EFNA5: variants seen among roughly 807,000 people sequenced by gnomAD.
EFNA5 encodes the protein ephrin-A5.
EFNA5 carries 5 observed loss-of-function variants against 22.9 expected under a neutral mutation model. The ratio of observed to expected loss-of-function variants is 0.22; its 90% CI spans 0.11 to 0.46. The LOEUF (loss-of-function observed/expected upper bound fraction) is 0.46, where lower values mean the gene tolerates loss of function less well. Among genes scored for constraint, EFNA5 ranks in the 20% least tolerant of loss-of-function variants. The probability of loss-of-function intolerance (pLI) is 0.99; values close to 1 mark genes in which losing one functional copy is unlikely to be tolerated. For missense variants in EFNA5, 237 were observed against 293.3 expected (o/e 0.81, Z 1.40); for synonymous variants, 113 against 112.2 (o/e 1.01, Z -0.04).
intron 1 of EFNA5, among the ~76,000 whole-genome samples, chr5:107,652,195 C>T (rs947978292): frequency 1.3e-5 from 2 of 152,186 alleles, no homozygotes; most frequent in South Asian, 2.1e-4. Context: ...ACTAGATCCC[C>T]TCCACCCTGA....
chr5:107,495,150 G>A (rs569005296), intron 1 of EFNA5, among the ~76,000 whole-genome samples: 23 of 152,260 alleles, frequency 1.5e-4, no homozygotes, highest in Admixed American at 9.8e-4. Flanking sequence ...TTGTTCTTTC[G>A]CTCTTTGCAA....
At chr5:107,601,244 C>T (rs577263507) in intron 1 of EFNA5, among the ~76,000 whole-genome samples, 1 of 152,228 alleles carries the variant, frequency 6.6e-6, no homozygotes, top group Admixed American at 6.5e-5. Flanking sequence ...GTTTTGGCCG[C>T]ATTGGCAAAG....
rs116215849 is a variant in EFNA5 at position 107,564,280 on chromosome 5, C to T, written c.125+106209G>A. Among the ~76,000 whole-genome samples the T allele has an allele frequency of 5.7e-3, 874 of 152,290 alleles. 16 individuals carry two copies. Among genetic ancestry groups the T allele is most frequent in the African/African-American group, 0.02 (842 of 41,560 alleles). ...TAAAGGCAGAACTTCTTGTCTCTGT[C>T]TTGGCTCCTAGCCTTCCCTCCATTC... On this transcript the variant is annotated intron_variant, in intron 1 of 4. Transcript: ENST00000333274.
At chr5:107,573,751 G>A (rs1364827033) in intron 1 of EFNA5, among the ~76,000 whole-genome samples, 1 of 152,166 alleles carries the variant, frequency 6.6e-6, no homozygotes, top group Non-Finnish European at 1.5e-5. Context: ...GTCTGGGAAT[G>A]AGTGTGTGGG....
chr5:107,499,356 G>A (rs1747080151), intron 1 of EFNA5, among the ~76,000 whole-genome samples: 2 of 152,192 alleles, frequency 1.3e-5, no homozygotes, highest in Admixed American at 1.3e-4. Flanking sequence ...TGCATCTGCA[G>A]CCAACAGCTG....
chr5:107,634,173 G>A (rs1404542989), intron 1 of EFNA5, among the ~76,000 whole-genome samples: 1 of 152,142 alleles, frequency 6.6e-6, no homozygotes, highest in Non-Finnish European at 1.5e-5. Flanking sequence ...TTTCTCAACT[G>A]TGATGCAGAA....
At chr5:107,403,680 G>T (rs1264639848) in intron 2 of EFNA5, among the ~76,000 whole-genome samples, 1 of 152,160 alleles carries the variant, frequency 6.6e-6, no homozygotes, top group Non-Finnish European at 1.5e-5. Context: ...CTTTATATCT[G>T]CAACCCTAGA....
chr5:107,659,409 A>G (rs1190323980), intron 1 of EFNA5, among the ~76,000 whole-genome samples: 1 of 152,044 alleles, frequency 6.6e-6, no homozygotes, highest in Non-Finnish European at 1.5e-5. Context: ...ATTGATTCCA[A>G]AACTTCATGT....
chr5:107,649,200 G>A (rs181956258), intron 1 of EFNA5, among the ~76,000 whole-genome samples: 1 of 152,070 alleles, frequency 6.6e-6, no homozygotes, highest in South Asian at 2.1e-4. Flanking sequence ...CAGAGTCCCA[G>A]AGCAATCGAT....
chr5:107,502,287 G>A (rs545266216), intron 1 of EFNA5, among the ~76,000 whole-genome samples: 41 of 152,216 alleles, frequency 2.7e-4, no homozygotes, highest in African/African-American at 9.4e-4. Flanking sequence ...GGAAACTGCC[G>A]TCTCTGTTGT....
intron 1 of EFNA5, among the ~76,000 whole-genome samples, chr5:107,561,628 A>C (rs956877471): frequency 6.6e-6 from 1 of 152,140 alleles, no homozygotes; most frequent in African/African-American, 2.4e-5. Flanking sequence ...TAAACCTCCC[A>C]GAGTGCTGGG....
intron 1 of EFNA5, among the ~76,000 whole-genome samples, chr5:107,581,671 A>G (rs1749075664): frequency 1.3e-5 from 2 of 152,224 alleles, no homozygotes; most frequent in African/African-American, 4.8e-5. Context: ...TTCATATGTT[A>G]TAACACCCTG....
At chr5:107,448,941 A>C (rs1749473981) in intron 1 of EFNA5, among the ~76,000 whole-genome samples, 1 of 152,038 alleles carries the variant, frequency 6.6e-6, no homozygotes, top group Non-Finnish European at 1.5e-5. Flanking sequence ...TATCACCATG[A>C]AGGGCAATGT....
intron 1 of EFNA5, among the ~76,000 whole-genome samples, chr5:107,535,849 T>A (rs1747919305): frequency 6.6e-6 from 1 of 152,180 alleles, no homozygotes; most frequent in Admixed American, 6.5e-5. Flanking sequence ...GTGTGCAGGG[T>A]TTAGAGGAAA....
rs139056370 is a variant in EFNA5 at position 107,586,951 on chromosome 5, A to C, written c.125+83538T>G. 2.9e-3 allele frequency among the ~76,000 whole-genome samples: 436 copies of C among 152,338 alleles called. 2 individuals are homozygous for C. The highest frequency in any genetic ancestry group is 4.9e-3 in the Non-Finnish European group (331 of 68,028). ...TGCCATTCAGATATGACTAGGGGTA[A>C]TCTTACATGGACACAGAAGGATCAA... On this transcript the variant is annotated intron_variant, in intron 1 of 4. Coordinates refer to ENST00000333274, the MANE Select transcript of EFNA5 (RefSeq NM_001962.3).
chr5:107,395,034 C>CTTGTTTTTTTTTTTTTTTTT (rs1747883498), intron 2 of EFNA5, among the ~76,000 whole-genome samples: 1 of 86,142 alleles, frequency 1.2e-5, no homozygotes. Context: ...ATTTCTAGTT[C>CTTGTTTTTTTTTTTTTTTTT]TTTTTTTTTT....
chr5:107,607,340 C>G (rs749654951), intron 1 of EFNA5, among the ~76,000 whole-genome samples: 1 of 152,212 alleles, frequency 6.6e-6, no homozygotes, highest in Non-Finnish European at 1.5e-5. Flanking sequence ...TAGGCTAACT[C>G]GCTGCCTGCT....
chr5:107,651,544 C>A (rs1277801931), intron 1 of EFNA5, among the ~76,000 whole-genome samples: 1 of 152,010 alleles, frequency 6.6e-6, no homozygotes, highest in Admixed American at 6.6e-5. Flanking sequence ...AGCCTGGGAA[C>A]AGAGCACAGC....
intron 1 of EFNA5, among the ~76,000 whole-genome samples, chr5:107,572,558 T>C (rs1748837882): frequency 6.6e-6 from 1 of 152,214 alleles, no homozygotes; most frequent in Non-Finnish European, 1.5e-5. Context: ...GGAGAAAATC[T>C]GGACTAACTG....
Sources: gnomAD v4.1 joint callset for allele counts (sites outside exome capture counted in the v4.1 genomes callset) on GRCh38, gnomAD v4.1.1 for gene constraint, MANE v1.5 for transcripts, NCBI Gene and HGNC (gene_info 2026-07-23, HGNC 2026-07-21) for gene names.